Variants in SLMAP observed in about 807,000 individuals in gnomAD.
SLMAP encodes the protein sarcolemmal membrane-associated protein.
In SLMAP, 44 loss-of-function variants were observed where a neutral mutation model predicts 128.8. That is an observed-to-expected ratio of 0.34 (90% CI 0.27 to 0.44). SLMAP has a LOEUF of 0.44. SLMAP is among the 20% of genes least tolerant of loss of function. The pLI is 1.00. For missense variants in SLMAP, 787 were observed against 985.3 expected, an observed-to-expected ratio of 0.80 and a Z score of 2.69; for synonymous variants, 327 against 348.8, an observed-to-expected ratio of 0.94 and a Z score of 0.70.
At chr3:57,833,063 AAG>A (rs916983858) in intron 3 of SLMAP, among the ~76,000 whole-genome samples, 16 of 152,204 alleles carry the variant, frequency 1.1e-4, no homozygotes, top group African/African-American at 3.1e-4. Flanking sequence ...CATAGAGAAA[AAG>A]AGAATTTGAT....
intron 5 of SLMAP, among the ~76,000 whole-genome samples, chr3:57,847,869 A>G (rs1024112160): frequency 1.1e-4 from 16 of 152,196 alleles, no homozygotes; most frequent in African/African-American, 3.1e-4. Flanking sequence ...TTCCATTTGA[A>G]TGAAGAATGA....
intron 2 of SLMAP, among the ~76,000 whole-genome samples, chr3:57,821,620 G>T (rs185678815): frequency 6.6e-4 from 100 of 152,274 alleles, no homozygotes; most frequent in African/African-American, 2.2e-3. Context: ...CGACTAAATT[G>T]TTGGTGGCAA....
chr3:57,855,711 T>TAAAAAA (rs562768502), intron 6 of SLMAP, among the ~76,000 whole-genome samples: 5 of 110,856 alleles, frequency 4.5e-5, no homozygotes, highest in Admixed American at 1.0e-4. Context: ...CCCCATCTGT[T>TAAAAAA]AAAAAAAAAA....
At chr3:57,870,791 T>C (rs1009733961) in intron 13 of SLMAP, among the ~76,000 whole-genome samples, 2 of 152,204 alleles carry the variant, frequency 1.3e-5, no homozygotes, top group African/African-American at 4.8e-5. Context: ...AAGTAGTCAT[T>C]ATGTCAGAAT....
intron 3 of SLMAP, among the ~76,000 whole-genome samples, chr3:57,834,028 A>G (rs1472274506): frequency 1.3e-5 from 2 of 152,310 alleles, no homozygotes; most frequent in East Asian, 3.9e-4. Context: ...ACTACTAGAT[A>G]ACCCCTGGAT....
At chr3:57,862,514 T>C (rs1051212058) in intron 10 of SLMAP, among the ~76,000 whole-genome samples, 3 of 151,816 alleles carry the variant, frequency 2.0e-5, no homozygotes, top group Non-Finnish European at 4.4e-5. Flanking sequence ...GACACATGCC[T>C]GTAGTCCCAG....
chr3:57,805,279 G>A (rs1410351868), intron 2 of SLMAP, among the ~76,000 whole-genome samples: 1 of 151,710 alleles, frequency 6.6e-6, no homozygotes, highest in African/African-American at 2.4e-5. Flanking sequence ...AATAATTTTG[G>A]TGACCATTCA....
intron 15 of SLMAP, among the ~76,000 whole-genome samples, chr3:57,892,450 T>C (rs2096105052): frequency 6.6e-6 from 1 of 152,180 alleles, no homozygotes; most frequent in Non-Finnish European, 1.5e-5. Context: ...TATGTGTAGA[T>C]AATTCTACCA....
chr3:57,848,714 T>C (rs2094389160), intron 5 of SLMAP, among the ~76,000 whole-genome samples: 1 of 145,636 alleles, frequency 6.9e-6, no homozygotes, highest in South Asian at 2.2e-4. Context: ...TACTCCTTTT[T>C]TTTTTTTTTT....
intron 6 of SLMAP, among the ~76,000 whole-genome samples, chr3:57,852,789 A>G (rs1351125957): frequency 6.6e-6 from 1 of 151,892 alleles, no homozygotes; most frequent in Non-Finnish European, 1.5e-5. Flanking sequence ...AGCAAATCTC[A>G]CTCCCTCACT....
chr3:57,828,473 TACAAGTAC>T (rs1325656097), intron 2 of SLMAP, among the ~76,000 whole-genome samples: 2 of 152,130 alleles, frequency 1.3e-5, no homozygotes, highest in East Asian at 3.9e-4. Flanking sequence ...TGTAGCTGTA[TACAAGTAC>T]AGAGGGTTAG....
intron 2 of SLMAP, among the ~76,000 whole-genome samples, chr3:57,773,600 C>T (rs948520814): frequency 1.3e-5 from 2 of 152,124 alleles, no homozygotes; most frequent in East Asian, 1.9e-4. Context: ...GTGGGGAAAG[C>T]AATGCCTCCA....
At chr3:57,925,703 G>GT (rs1286842126) in intron 23 of SLMAP, 142 bp from the exon 24 acceptor site, 57 of 634,032 alleles carry the variant, frequency 9.0e-5, no homozygotes, top group Admixed American at 3.9e-4. Context: ...TCTTTAAAAT[G>GT]TTTGAATCTG....
intron 14 of SLMAP, among the ~76,000 whole-genome samples, chr3:57,886,106 A>ATTT (rs112191414): frequency 1.5e-5 from 2 of 129,988 alleles, no homozygotes; most frequent in African/African-American, 2.9e-5. Flanking sequence ...TAAAGATATA[A>ATTT]TTTTTTTTTT....
At chr3:57,818,054 T>G (rs1270753918) in intron 2 of SLMAP, among the ~76,000 whole-genome samples, 1 of 152,162 alleles carries the variant, frequency 6.6e-6, no homozygotes, top group African/African-American at 2.4e-5. Flanking sequence ...CAGATAAACA[T>G]TAAGTAGTAT....
intron 2 of SLMAP, among the ~76,000 whole-genome samples, chr3:57,765,470 G>C (rs1450403333): frequency 6.6e-6 from 1 of 152,136 alleles, no homozygotes; most frequent in African/African-American, 2.4e-5. Context: ...GAAGAAGCAG[G>C]GATGATACGG....
chr3:57,838,483 A>C (rs533334540), intron 3 of SLMAP, among the ~76,000 whole-genome samples: 4 of 152,374 alleles, frequency 2.6e-5, no homozygotes, highest in African/African-American at 7.2e-5. Context: ...TCTGTACCAG[A>C]TGACTCTGCT....
chr3:57,791,229 G>A (rs2085382995), intron 2 of SLMAP, among the ~76,000 whole-genome samples: 1 of 152,068 alleles, frequency 6.6e-6, no homozygotes, highest in African/African-American at 2.4e-5. Flanking sequence ...GCATTGTGGA[G>A]CATGCCTGTA....
intron 14 of SLMAP, among the ~76,000 whole-genome samples, chr3:57,885,512 C>A (rs1194869854): frequency 2.7e-5 from 4 of 148,880 alleles, no homozygotes; most frequent in Non-Finnish European, 5.9e-5. Flanking sequence ...CTCCACCACC[C>A]GGGTTCAAGC....
Sources: allele counts gnomAD v4.1 joint callset (sites outside exome capture counted in the v4.1 genomes callset), GRCh38; gene constraint gnomAD v4.1.1; transcripts MANE v1.5; gene names NCBI Gene and HGNC (gene_info 2026-07-23, HGNC 2026-07-21).